EPS15L1: variants seen among roughly 807,000 people sequenced by gnomAD.
EPS15L1 encodes epidermal growth factor receptor pathway substrate 15 like 1.
A neutral mutation model predicts 117.1 loss-of-function variants in EPS15L1; 43 were observed. That is an observed-to-expected ratio of 0.37 (90% CI 0.29 to 0.47). The LOEUF is 0.47. Among genes scored for constraint, EPS15L1 ranks in the 20% least tolerant of loss-of-function variants. EPS15L1 has a pLI of 0.99. For synonymous variants in EPS15L1, 459 were observed against 470.5 expected (o/e 0.98, Z 0.32); for missense variants, 981 against 1,164.0 (o/e 0.84, Z 2.29).
chr19:16,465,643 C>G (rs2093297696), intron 1 of EPS15L1, among the ~76,000 whole-genome samples: 1 of 152,116 alleles, frequency 6.6e-6, no homozygotes, highest in South Asian at 2.1e-4. Context: ...GATTGCACCA[C>G]TGTACTCCAG....
intron 13 of EPS15L1, chr19:16,412,987 TG>T: frequency 8.8e-6 from 6 of 680,626 alleles, no homozygotes; most frequent in Non-Finnish European, 1.3e-5. Context: ...GACTTTTGCC[TG>T]GGGGGCTCTC....
intron 1 of EPS15L1, chr19:16,443,477 G>A (rs1281833725): frequency 6.6e-6 from 1 of 152,260 alleles, no homozygotes; most frequent in African/African-American, 2.4e-5. Flanking sequence ...GTGAGGCCAA[G>A]GCAGGCAGAT....
In EPS15L1 at chr19:16,425,139, TGAC is replaced by T. The variant is rs758597320; in HGVS notation, c.733_735del (p.Val245del). On this transcript the variant is annotated inframe_deletion, in exon 9 of 24. Coordinates refer to ENST00000455140, the MANE Select transcript of EPS15L1 (RefSeq NM_001258374.3). The stretch of plus-strand genomic sequence containing the variant: ...AGGCTCCCTGTGCTGTTGAGGCTGC[TGAC>T]GCTGCCGTGGGACGGCGTGGAGCGG... 1 of 1,614,110 alleles carries T rather than the reference TGAC, an allele frequency of 6.2e-7. No individual in the cohort carries two copies. Among genetic ancestry groups the T allele is most frequent in the South Asian group, 1.1e-5 (1 of 91,084 alleles).
At chr19:16,444,179 A>AC (rs2093061438) in intron 1 of EPS15L1, among the ~76,000 whole-genome samples, 2 of 151,880 alleles carry the variant, frequency 1.3e-5, no homozygotes, top group Non-Finnish European at 2.9e-5. Flanking sequence ...GTCAAAAAAA[A>AC]AAAAAAGAGG....
In EPS15L1 at chr19:16,404,523, AGGGGAGTCCTT is replaced by A. The variant is rs2092635341; in HGVS notation, c.1428+54_1428+64del. On this transcript the variant is annotated intron_variant, in intron 14 of 23. Coordinates refer to ENST00000455140, the MANE Select transcript of EPS15L1 (RefSeq NM_001258374.3). This position sits in a 1 kb window ranked among gnomAD's most constrained non-coding sequence, Gnocchi z 4.2. ...TTGTGTTCCCAGGTAACACGAGCTC[AGGGGAGTCCTT>A]GGGAAGCCCCTGCCTGTGCATAGGG... 1.3e-6 allele frequency: 2 copies of A among 1,571,508 alleles called. No individual in the cohort carries two copies. The highest frequency in any genetic ancestry group is 4.5e-5 in the East Asian group (2 of 44,544).
intron 16 of EPS15L1, among the ~76,000 whole-genome samples, chr19:16,399,889 A>C (rs1215845721): frequency 6.6e-6 from 1 of 152,108 alleles, no homozygotes; most frequent in African/African-American, 2.4e-5. Context: ...CTGGGTCTGG[A>C]TGTGACAGAT....
At position 16,420,814 on chromosome 19, in the gene EPS15L1, G is replaced by C. The variant is rs201632135; in HGVS notation, c.950+505C>G. 9.2e-5 allele frequency among the ~76,000 whole-genome samples: 14 copies of C among 152,302 alleles called. No homozygotes were observed. The East Asian group carries it at 2.7e-3, about 29-fold the overall frequency. On this transcript the variant is annotated intron_variant, in intron 10 of 23. Coordinates refer to ENST00000455140, the MANE Select transcript of EPS15L1 (RefSeq NM_001258374.3). ...CCTGGGGGAAAGAGGGGTTGAGGCC[G>C]ACTCCTCGACTGGGCTCTGAGGCAC...
chr19:16,356,048 A>G (rs2091975730), intron 23 of EPS15L1, among the ~76,000 whole-genome samples, 197 bp from the exon 24 acceptor site: 1 of 152,240 alleles, frequency 6.6e-6, no homozygotes, highest in Non-Finnish European at 1.5e-5. Flanking sequence ...TCTGGAAAGC[A>G]GAGTGGACGG....
At chr19:16,448,278 C>T (rs778195485) in intron 1 of EPS15L1, among the ~76,000 whole-genome samples, 1 of 152,166 alleles carries the variant, frequency 6.6e-6, no homozygotes, top group African/African-American at 2.4e-5. Context: ...TGCCTGTAAT[C>T]CCAGCACTTT....
chr19:16,389,689 A>T (rs2092457262), intron 19 of EPS15L1, among the ~76,000 whole-genome samples: 1 of 152,192 alleles, frequency 6.6e-6, no homozygotes, highest in African/African-American at 2.4e-5. Flanking sequence ...TGGAGTTTCT[A>T]ATGTATTTAG....
At chr19:16,412,801 C>T (rs913680017) in intron 13 of EPS15L1, 19 of 446,672 alleles carry the variant, frequency 4.3e-5, no homozygotes, top group African/African-American at 2.9e-4. Context: ...GGGCTGGGGT[C>T]GCGGCCGTGG....
chr19:16,394,157 C>T (rs1407529592), intron 17 of EPS15L1, among the ~76,000 whole-genome samples, 156 bp from the exon 18 acceptor site: 1 of 152,130 alleles, frequency 6.6e-6, no homozygotes, highest in Non-Finnish European at 1.5e-5. Context: ...TCCACCTGCC[C>T]TCAAAACCTT....
chr19:16,394,023 T>C (rs374974721), intron 17 of EPS15L1, 22 bp from the exon 18 acceptor site: 6 of 1,613,298 alleles, frequency 3.7e-6, no homozygotes, highest in African/African-American at 1.3e-5. Context: ...AGGAGAGAAA[T>C]GCTTATTAGC....
intron 1 of EPS15L1, chr19:16,443,556 A>G (rs2093052846): frequency 1.3e-5 from 2 of 152,224 alleles, no homozygotes; most frequent in South Asian, 4.1e-4. Context: ...CAACAAATAC[A>G]AAAATTAGCC....
At chr19:16,414,711 TG>T (rs1043191004) in intron 12 of EPS15L1, among the ~76,000 whole-genome samples, 23 of 147,468 alleles carry the variant, frequency 1.6e-4, no homozygotes, top group Non-Finnish European at 3.3e-4. Context: ...TTTTTGGTTT[TG>T]TTTTTTTTTT....
In EPS15L1 at chr19:16,421,495, A is replaced by C. The variant is rs1324017257; in HGVS notation, c.793-19T>G. On this transcript the variant is annotated intron_variant, in intron 9 of 23. Coordinates refer to ENST00000455140, the MANE Select transcript of EPS15L1 (RefSeq NM_001258374.3). ...CTGTTGGCTGAAACAGTTTTTGGCA[A>C]AACAGTTAATCTGGAAGCTTTTTAT... 6.3e-7 allele frequency: 1 copy of C among 1,599,686 alleles called. No individual in the cohort carries two copies.
intron 22 of EPS15L1, among the ~76,000 whole-genome samples, chr19:16,372,731 G>A (rs529411901): frequency 4.4e-4 from 67 of 152,342 alleles, no homozygotes; most frequent in South Asian, 3.9e-3. Context: ...GCACGTCACC[G>A]TGCAAGGCGC....
At chr19:16,374,646 C>T (rs74618372) in intron 22 of EPS15L1, among the ~76,000 whole-genome samples, 3,170 of 152,274 alleles carry the variant, frequency 0.021, 52 homozygotes, top group Non-Finnish European at 0.031. Context: ...GGTTTAGGTA[C>T]GTGGGGAGGC....
intron 1 of EPS15L1, among the ~76,000 whole-genome samples, chr19:16,454,104 TG>T (rs776715834): frequency 5.0e-4 from 76 of 151,914 alleles, no homozygotes; most frequent in Non-Finnish European, 9.9e-4. Context: ...GATGCAGGAG[TG>T]GGGGAAGGGT....
Sources: allele counts gnomAD v4.1 joint callset (sites outside exome capture counted in the v4.1 genomes callset), GRCh38; gene constraint gnomAD v4.1.1; non-coding constraint Gnocchi (gnomAD v3.1); transcripts MANE v1.5; gene names NCBI Gene and HGNC (gene_info 2026-07-23, HGNC 2026-07-21).